The following ATP10B variants were observed in gnomAD, a reference collection of about 807,000 sequenced individuals.
ATP10B encodes the protein phospholipid-transporting ATPase VB.
ATP10B carries 122 observed loss-of-function variants against 141.2 expected under a neutral mutation model. The observed-to-expected ratio is 0.86, with a 90% CI of 0.75 to 1.00. The LOEUF is 1.00. ATP10B is among the 50% of genes least tolerant of loss of function. The pLI, the probability that ATP10B is intolerant of heterozygous loss-of-function variation, is 0.00. For missense variants in ATP10B, 1,876 were observed against 1,825.3 expected (o/e 1.03, Z -0.51); for synonymous variants, 685 against 692.0 (o/e 0.99, Z 0.16).
chr5:160,924,507 C>T, the ATP10B span, among the ~76,000 whole-genome samples: 2 of 152,124 alleles, frequency 1.3e-5, no homozygotes, highest in Non-Finnish European at 2.9e-5. Context: ...TGGGAAGCAC[C>T]TGAGAGCCTT....
chr5:160,889,339 G>A, the ATP10B span, among the ~76,000 whole-genome samples: 1 of 152,160 alleles, frequency 6.6e-6, no homozygotes, highest in Non-Finnish European at 1.5e-5. Context: ...ACTCTTCAAG[G>A]TAAGACCTGC....
intron 2 of ATP10B, among the ~76,000 whole-genome samples, chr5:160,773,473 A>T (rs568101410): frequency 4.6e-5 from 7 of 152,276 alleles, no homozygotes; most frequent in African/African-American, 1.4e-4. Context: ...GGTAATTTCC[A>T]GCTGTGTTGG....
At chr5:160,845,585 AGTTT>A (rs1211666862) in intron 1 of ATP10B, among the ~76,000 whole-genome samples, 1 of 152,210 alleles carries the variant, frequency 6.6e-6, no homozygotes. Flanking sequence ...ATGAACAAAA[AGTTT>A]TTTTAAAAAA....
intron 1 of ATP10B, among the ~76,000 whole-genome samples, chr5:160,850,829 T>C (rs1433571636): frequency 6.6e-6 from 1 of 152,204 alleles, no homozygotes; most frequent in Non-Finnish European, 1.5e-5. Context: ...CTTAAATCCA[T>C]ATAATTAGGC....
intron 1 of ATP10B, among the ~76,000 whole-genome samples, chr5:160,818,258 G>A (rs1257324972): frequency 2.6e-5 from 4 of 152,096 alleles, no homozygotes; most frequent in Admixed American, 6.6e-5. Flanking sequence ...CATCTGACAA[G>A]GGGCTAATAT....
At chr5:160,923,259 G>C in the ATP10B span, among the ~76,000 whole-genome samples, 2 of 152,232 alleles carry the variant, frequency 1.3e-5, no homozygotes, top group Admixed American at 6.5e-5. Context: ...TGATCTTGTG[G>C]TGGAAGAGGA....
the ATP10B span, among the ~76,000 whole-genome samples, chr5:160,871,790 T>A: frequency 1.3e-5 from 2 of 152,198 alleles, no homozygotes; most frequent in Admixed American, 6.5e-5. Flanking sequence ...TTGGGTTGGT[T>A]CCACAATTTT....
intron 2 of ATP10B, among the ~76,000 whole-genome samples, chr5:160,739,584 A>G (rs1441897032): frequency 6.6e-6 from 1 of 152,212 alleles, no homozygotes; most frequent in African/African-American, 2.4e-5. Context: ...CAAATGTAAT[A>G]AAAATGTGCA....
chr5:160,782,481 TCA>T (rs1770788835), intron 2 of ATP10B, among the ~76,000 whole-genome samples: 1 of 86,912 alleles, frequency 1.2e-5, no homozygotes, highest in Non-Finnish European at 2.7e-5. Flanking sequence ...ACACACACAC[TCA>T]CTCACTTTAG....
chr5:160,726,969 G>T (rs1581422898), intron 2 of ATP10B, among the ~76,000 whole-genome samples: 1 of 152,112 alleles, frequency 6.6e-6, no homozygotes, highest in South Asian at 2.1e-4. Flanking sequence ...GCTTTGAATT[G>T]TCCTCACCTT....
Position 160,622,403 on chromosome 5 carries a change from G to C in ATP10B, c.1803C>G (p.Pro601=). The C allele has an allele frequency of 6.2e-7, 1 of 1,612,620 alleles. No individual in the cohort carries two copies. The highest frequency in any genetic ancestry group is 8.5e-7 in the Non-Finnish European group (1 of 1,179,498). Residue 601 remains proline (P), a synonymous_variant, in exon 14 of 26, where the codon CCC becomes CCG. Transcript: ENST00000327245. Reference sequence around the variant, plus strand: ...CATCGCTGGTCCTTACCCTCTGCCTGGGCTCGGTGGTTGTGGACACCATGA... The same window carrying C: ...CATCGCTGGTCCTTACCCTCTGCCTCGGCTCGGTGGTTGTGGACACCATGA... The part of the protein sequence containing the change: ...NSVMVSTTTE[P]RQRVTIKPSS...
At chr5:160,915,908 T>C in the ATP10B span, among the ~76,000 whole-genome samples, 1 of 148,366 alleles carries the variant, frequency 6.7e-6, no homozygotes, top group South Asian at 2.1e-4. Flanking sequence ...CTTTCAACTG[T>C]GTTTTATACC....
chr5:160,751,622 C>T (rs548733461), intron 2 of ATP10B, among the ~76,000 whole-genome samples: 20 of 152,144 alleles, frequency 1.3e-4, no homozygotes, highest in African/African-American at 4.3e-4. Context: ...CATGCTCTTC[C>T]GGAGACTCTT....
intron 7 of ATP10B, among the ~76,000 whole-genome samples, chr5:160,665,787 T>C (rs1762284909): frequency 6.6e-6 from 1 of 152,088 alleles, no homozygotes; most frequent in Admixed American, 6.6e-5. Context: ...TGAGTGTGGG[T>C]ATATATGTGG....
At chr5:160,669,012 C>G (rs1762497332) in intron 7 of ATP10B, among the ~76,000 whole-genome samples, 1 of 152,334 alleles carries the variant, frequency 6.6e-6, no homozygotes, top group South Asian at 2.1e-4. Flanking sequence ...ATGAGAATCT[C>G]TGAGGAATAA....
chr5:160,682,964 G>A (rs758986542), intron 6 of ATP10B, among the ~76,000 whole-genome samples: 1 of 148,788 alleles, frequency 6.7e-6, no homozygotes, highest in Non-Finnish European at 1.5e-5. Context: ...GCATGAACCC[G>A]GGAGGTGGAG....
Position 160,620,626 on chromosome 5 carries a change from G to A in ATP10B, c.2137C>T (p.Pro713Ser), listed in dbSNP as rs1758274930. Reference protein sequence around the residue: ...LEAPATDLARPEFCYEAESPD... With the variant: ...LEAPATDLARSEFCYEAESPD... Reference sequence around the variant, plus strand: ...CTCTCAGCCTCGTAACAGAACTCAGGCCTGGCCAGGTCTGTGGCTGGGGCC... The same window carrying A: ...CTCTCAGCCTCGTAACAGAACTCAGACCTGGCCAGGTCTGTGGCTGGGGCC... The change falls in exon 15 of 26, where the codon CCT becomes TCT. Residue 713 changes from proline to serine, a missense_variant. Pro to Ser is a moderately conservative substitution (Grantham distance 74). Transcript: ENST00000327245. The A allele has an allele frequency of 1.2e-6, 2 of 1,613,708 alleles. No homozygotes were observed. The highest frequency in any genetic ancestry group is 2.2e-5 in the South Asian group (2 of 91,068).
the ATP10B span, among the ~76,000 whole-genome samples, chr5:160,885,112 G>A: frequency 6.6e-6 from 1 of 152,048 alleles, no homozygotes. Context: ...GATCCTTTTG[G>A]GAATAGGCAG....
intron 9 of ATP10B, 37 bp from the exon 10 acceptor site, chr5:160,640,629 C>T (rs1381128874): frequency 1.2e-6 from 2 of 1,611,510 alleles, no homozygotes; most frequent in African/African-American, 1.3e-5. Flanking sequence ...CCCTTAGTTC[C>T]TGTTTGCCTA....
Sources: allele counts gnomAD v4.1 joint callset (sites outside exome capture counted in the v4.1 genomes callset), GRCh38; gene constraint gnomAD v4.1.1; transcripts MANE v1.5; gene names NCBI Gene and HGNC (gene_info 2026-07-23, HGNC 2026-07-21).